ARMH3: variants seen among roughly 807,000 people sequenced by gnomAD.
ARMH3 encodes the protein armadillo like helical domain containing 3.
Under a neutral mutation model 99.1 loss-of-function variants are expected in ARMH3, and 60 were observed. The observed-to-expected ratio is 0.61, with a 90% CI of 0.49 to 0.75. The LOEUF is 0.75. ARMH3 is among the 30% of genes least tolerant of loss of function. The pLI, the probability that ARMH3 is intolerant of heterozygous loss-of-function variation, is 0.00. For missense variants in ARMH3, 679 were observed against 843.1 expected, an observed-to-expected ratio of 0.81 and a Z score of 2.41; for synonymous variants, 285 against 292.8, an observed-to-expected ratio of 0.97 and a Z score of 0.27.
intron 5 of ARMH3, among the ~76,000 whole-genome samples, chr10:102,029,187 C>T (rs1029345603): frequency 1.3e-5 from 2 of 152,118 alleles, no homozygotes; most frequent in Non-Finnish European, 2.9e-5. Context: ...ATTGTACAAT[C>T]TAAAAGGGTG....
intron 15 of ARMH3, among the ~76,000 whole-genome samples, chr10:101,995,965 G>T (rs1847036548): frequency 6.6e-6 from 1 of 152,188 alleles, no homozygotes; most frequent in African/African-American, 2.4e-5. Flanking sequence ...ACTGTGCAAG[G>T]CACTAGAGAT....
chr10:101,956,520 T>G, intron 22 of ARMH3, 77 bp downstream of exon 22: 7 of 1,537,994 alleles, frequency 4.6e-6, no homozygotes, highest in Non-Finnish European at 6.2e-6. Context: ...GAGGAGAATC[T>G]TTCGTAGTCT....
Position 102,033,110 on chromosome 10 carries a change from G to T in ARMH3, c.222C>A (p.Ile74=). ...GGAATAAGCAATTAATATTGTCCTT[G>T]ATCTTCATTAACTCCTCACCATCAA... ...ESLDGEELMK[I]KDNINCLFQH... Residue 74 remains isoleucine, a synonymous_variant, in exon 4 of 26, where the codon ATC becomes ATA. Transcript: ENST00000370033. The T allele has an allele frequency of 3.1e-6, 5 of 1,614,176 alleles. No homozygotes were observed. The highest frequency in any genetic ancestry group is 1.1e-5 in the South Asian group (1 of 91,082).
intron 19 of ARMH3, among the ~76,000 whole-genome samples, chr10:101,988,042 A>G (rs1190900005): frequency 1.3e-5 from 2 of 152,228 alleles, no homozygotes; most frequent in Non-Finnish European, 2.9e-5. Context: ...TGCCAAAACT[A>G]TCCAGTTAAG....
At chr10:101,904,679 C>T (rs998672567) in intron 23 of ARMH3, among the ~76,000 whole-genome samples, 3 of 151,538 alleles carry the variant, frequency 2.0e-5, no homozygotes, top group African/African-American at 7.3e-5. Context: ...GTTGGCTGGG[C>T]ATGGTGGCTC....
At chr10:101,976,983 TTTC>T (rs1393551553) in intron 19 of ARMH3, among the ~76,000 whole-genome samples, 1 of 152,158 alleles carries the variant, frequency 6.6e-6, no homozygotes, top group Non-Finnish European at 1.5e-5. Context: ...TTTCTTTTCC[TTTC>T]TTTTCTTTTT....
chr10:101,934,504 G>C (rs1028823181), intron 23 of ARMH3, among the ~76,000 whole-genome samples: 2 of 152,120 alleles, frequency 1.3e-5, no homozygotes, highest in African/African-American at 4.8e-5. Context: ...AAGAAATACT[G>C]AATGTCAGCT....
intron 23 of ARMH3, among the ~76,000 whole-genome samples, chr10:101,934,509 T>C (rs1432470435): frequency 6.6e-6 from 1 of 152,184 alleles, no homozygotes; most frequent in African/African-American, 2.4e-5. Flanking sequence ...ATACTGAATG[T>C]CAGCTTAAGG....
At chr10:102,012,753 A>G in intron 10 of ARMH3, 80 bp downstream of exon 10, 1 of 1,372,022 alleles carries the variant, frequency 7.3e-7, no homozygotes, top group Non-Finnish European at 1.0e-6. Flanking sequence ...AGGGAATTTG[A>G]CCCAAGAACT....
intron 20 of ARMH3, among the ~76,000 whole-genome samples, chr10:101,969,228 G>T (rs534197597): frequency 6.6e-6 from 1 of 152,254 alleles, no homozygotes; most frequent in South Asian, 2.1e-4. Flanking sequence ...GGAGGAAGCT[G>T]GGTGAAGGGT....
At chr10:101,907,698 G>C (rs1438555302) in intron 23 of ARMH3, among the ~76,000 whole-genome samples, 1 of 152,094 alleles carries the variant, frequency 6.6e-6, no homozygotes, top group Non-Finnish European at 1.5e-5. Flanking sequence ...TAATAGTTTT[G>C]ATTCCACAGT....
rs2067818248 is a variant in ARMH3, at chr10:102,055,330, A to AAAT, written c.-12+754_-12+755insATT. On this transcript the variant is annotated intron_variant, in intron 1 of 25. Transcript: ENST00000370033. ...ATAAATAAATAAATAAATAAATAAAATAAAATAAAAAACTTTCTGGAGAGG... is the reference window on the plus strand; with the variant it reads ...ATAAATAAATAAATAAATAAATAAAAAATTAAAATAAAAAACTTTCTGGAGAGG... Among the ~76,000 whole-genome samples the AAAT allele has an allele frequency of 2.0e-5, 3 of 151,438 alleles. No individual in the cohort carries two copies. In the South Asian group the frequency reaches 6.3e-4, roughly 32 times the overall value.
intron 24 of ARMH3, among the ~76,000 whole-genome samples, chr10:101,864,948 AT>A (rs914323106): frequency 1.3e-5 from 2 of 151,672 alleles, no homozygotes; most frequent in African/African-American, 2.4e-5. Context: ...AAAAAAAAAA[AT>A]TTTTTTTTAA....
chr10:101,916,229 ATGATCTATGTC>A (rs1436631981), intron 23 of ARMH3, among the ~76,000 whole-genome samples: 1 of 152,196 alleles, frequency 6.6e-6, no homozygotes, highest in Non-Finnish European at 1.5e-5. Flanking sequence ...AAGTGGGGAA[ATGATCTATGTC>A]TGATGGCTAT....
At chr10:101,951,003 T>G (rs1052978900) in intron 22 of ARMH3, among the ~76,000 whole-genome samples, 1 of 152,252 alleles carries the variant, frequency 6.6e-6, no homozygotes, top group African/African-American at 2.4e-5. Flanking sequence ...AAAGTAGTGT[T>G]TCTGCATATT....
intron 1 of ARMH3, among the ~76,000 whole-genome samples, chr10:102,054,141 A>G (rs1053528933): frequency 6.6e-6 from 1 of 152,108 alleles, no homozygotes; most frequent in African/African-American, 2.4e-5. Flanking sequence ...CTGTAATCCC[A>G]GCACTTTGGG....
intron 8 of ARMH3, among the ~76,000 whole-genome samples, chr10:102,021,786 TC>T (rs964468927): frequency 9.2e-5 from 14 of 152,214 alleles, no homozygotes; most frequent in Middle Eastern, 3.4e-3. Flanking sequence ...AACCTCGTGA[TC>T]CACCCGCCTC....
chr10:102,010,143 C>CT (rs958180478), intron 11 of ARMH3, 120 bp from the exon 12 acceptor site: 21 of 835,062 alleles, frequency 2.5e-5, no homozygotes, highest in Non-Finnish European at 3.8e-5. Flanking sequence ...GAACTTGGAA[C>CT]TCTAGGCCAT....
chr10:102,021,771 C>T (rs2066890965), intron 8 of ARMH3, among the ~76,000 whole-genome samples: 1 of 152,120 alleles, frequency 6.6e-6, no homozygotes, highest in African/African-American at 2.4e-5. Flanking sequence ...TGGTCTCGAT[C>T]TCCCAACCTC....
Sources: gnomAD v4.1 joint callset for allele counts (sites outside exome capture counted in the v4.1 genomes callset) on GRCh38, gnomAD v4.1.1 for gene constraint, MANE v1.5 for transcripts, NCBI Gene and HGNC (gene_info 2026-07-23, HGNC 2026-07-21) for gene names.